The following SCN2A variants were observed in gnomAD, a reference collection of about 807,000 sequenced individuals.
The protein encoded by SCN2A is sodium voltage-gated channel alpha subunit 2, also known as sodium channel protein type 2 subunit alpha.
SCN2A carries 20 observed loss-of-function variants against 188.7 expected under a neutral mutation model. That is an observed-to-expected ratio of 0.11 (90% CI 0.07 to 0.15). The LOEUF (loss-of-function observed/expected upper bound fraction) is 0.15, where lower values mean the gene tolerates loss of function less well. SCN2A is among the 10% of genes least tolerant of loss of function. SCN2A has a pLI of 1.00. For missense variants in SCN2A, 1,278 were observed against 2,445.0 expected, an observed-to-expected ratio of 0.52 and a Z score of 10.07; for synonymous variants, 804 against 833.1, an observed-to-expected ratio of 0.97 and a Z score of 0.60.
chr2:165,360,222 G>A (rs534387804), intron 17 of SCN2A, among the ~76,000 whole-genome samples: 90 of 151,842 alleles, frequency 5.9e-4, no homozygotes, highest in Admixed American at 3.9e-4. Context: ...AAATTTAATA[G>A]GAAGTTATGT....
In SCN2A at chr2:165,313,698, T is replaced by C. The variant is rs1438036303; in HGVS notation, c.1113T>C (p.Ser371=). Residue 371 remains serine, a synonymous_variant, in exon 9 of 27, where the codon AGT becomes AGC. Transcript: ENST00000375437. The stretch of plus-strand genomic sequence containing the variant: ...GCTACACGAGCTTTGACACCTTTAG[T>C]TGGGCCTTTTTGTCCTTATTTCGTC... ...NYGYTSFDTF[S]WAFLSLFRLM... 1.2e-6 allele frequency: 2 copies of C among 1,613,744 alleles called. No homozygotes were observed. The highest frequency in any genetic ancestry group is 1.7e-5 in the Admixed American group (1 of 59,986).
intron 8 of SCN2A, 105 bp from the exon 9 acceptor site, chr2:165,313,515 T>C: frequency 7.1e-7 from 1 of 1,398,808 alleles, no homozygotes; most frequent in East Asian, 2.3e-5. Flanking sequence ...ATCGGCTTTT[T>C]TCTAGTGCCT....
At chr2:165,274,945 T>C (rs1170294787) in intron 1 of SCN2A, among the ~76,000 whole-genome samples, 2 of 152,192 alleles carry the variant, frequency 1.3e-5, no homozygotes, top group Admixed American at 6.5e-5. Context: ...TGATTGTTGC[T>C]TCTCCGGGTC....
chr2:165,359,842 G>C (rs1252037304), intron 17 of SCN2A, among the ~76,000 whole-genome samples: 1 of 151,854 alleles, frequency 6.6e-6, no homozygotes, highest in Admixed American at 6.6e-5. Context: ...TGAGCAGTAG[G>C]ACATCATGAC....
intron 13 of SCN2A, chr2:165,328,532 A>T: frequency 1.0e-6 from 1 of 984,702 alleles, no homozygotes; most frequent in Non-Finnish European, 1.2e-6. Context: ...GTAGAGAAGG[A>T]GACAGGGTAA....
intron 1 of SCN2A, among the ~76,000 whole-genome samples, chr2:165,289,189 GA>G (rs565003110): frequency 5.3e-5 from 8 of 151,768 alleles, no homozygotes; most frequent in African/African-American, 1.5e-4. Context: ...GATCTTTGTA[GA>G]AAAAAATTGT....
At chr2:165,353,536 G>A (rs899628217) in intron 16 of SCN2A, among the ~76,000 whole-genome samples, 1 of 152,130 alleles carries the variant, frequency 6.6e-6, no homozygotes, top group Non-Finnish European at 1.5e-5. Flanking sequence ...ATAAAGAAAA[G>A]AGATTTAATT....
Position 165,326,909 on chromosome 2 carries a change from A to C in SCN2A, c.2074A>C (p.Met692Leu). Residue 692 changes from methionine to leucine, a missense_variant, in exon 13 of 27, where the codon ATG (methionine) becomes CTG (leucine). By Grantham distance (15) the Met-to-Leu change is conservative. Transcript: ENST00000375437. Reference sequence around the variant, plus strand: ...ACGGTCCAGTTCTTATCATGTTTCCATGGATTTATTGGAAGATCCTACATC... The same window carrying C: ...ACGGTCCAGTTCTTATCATGTTTCCCTGGATTTATTGGAAGATCCTACATC... ...KRRSSSYHVSMDLLEDPTSRQ... is the reference protein window; with the variant it reads ...KRRSSSYHVSLDLLEDPTSRQ... 1.9e-6 allele frequency: 3 copies of C among 1,614,028 alleles called. No individual in the cohort carries two copies. The highest frequency in any genetic ancestry group is 2.5e-6 in the Non-Finnish European group (3 of 1,179,918).
chr2:165,341,470 G>A (rs1280221568), intron 14 of SCN2A, among the ~76,000 whole-genome samples: 2 of 152,230 alleles, frequency 1.3e-5, no homozygotes, highest in Non-Finnish European at 2.9e-5. Context: ...GTAGCCAGTA[G>A]TAGAAATGTT....
chr2:165,378,327 G>GTTT (rs397763725), intron 23 of SCN2A, among the ~76,000 whole-genome samples: 1 of 145,852 alleles, frequency 6.9e-6, no homozygotes, highest in African/African-American at 2.5e-5. Flanking sequence ...AATTCCTGAG[G>GTTT]TTTTTTTTTT....
At chr2:165,376,676 G>T (rs1701330308) in intron 22 of SCN2A, among the ~76,000 whole-genome samples, 1 of 151,722 alleles carries the variant, frequency 6.6e-6, no homozygotes, top group Admixed American at 6.6e-5. Context: ...AAGAAGTGCT[G>T]GCCCCAAGGG....
chr2:165,350,170 A>C (rs1354283873), intron 16 of SCN2A, among the ~76,000 whole-genome samples: 1 of 152,246 alleles, frequency 6.6e-6, no homozygotes, highest in East Asian at 1.9e-4. Context: ...TGATAGTTCT[A>C]GAAGCAGAGA....
rs144710175 is a variant in SCN2A at position 165,285,552 on chromosome 2, T to A, written c.-51-10221T>A. ...AGGAAAAGGAAACTTTCAGGACAATTTTGAATTCATTCAGTACTTTAAGAA... is the reference window on the plus strand; with the variant it reads ...AGGAAAAGGAAACTTTCAGGACAATATTGAATTCATTCAGTACTTTAAGAA... On this transcript the variant is annotated intron_variant, in intron 1 of 26. Transcript: ENST00000375437. 8.3e-5 allele frequency: 17 copies of A among 204,758 alleles called. No homozygotes were observed. The East Asian group carries it at 2.1e-3, about 25-fold the overall frequency. The allele number at this position is 204,758 out of a possible 1,614,324, so 12.7% of individuals were successfully genotyped here. A position where few individuals can be genotyped will look rare whatever the true frequency, so the allele number is the denominator to read the frequency against.
At chr2:165,302,086 T>C (rs1696844593) in intron 3 of SCN2A, among the ~76,000 whole-genome samples, 1 of 152,226 alleles carries the variant, frequency 6.6e-6, no homozygotes, top group African/African-American at 2.4e-5. Context: ...TGCTCCAACT[T>C]ACTGATTCAT....
At chr2:165,246,049 C>CA (rs201674466) in intron 1 of SCN2A, among the ~76,000 whole-genome samples, 36 of 149,580 alleles carry the variant, frequency 2.4e-4, no homozygotes, top group East Asian at 7.8e-4. Flanking sequence ...CAACTGTGTG[C>CA]AAAAAAAAAC....
At position 165,272,035 on chromosome 2, in the gene SCN2A, G is replaced by A. The variant is rs933885964; in HGVS notation, c.-51-23738G>A. ...GTTTACTATGAACATTCTTGCATAGGTCTTTTTGTGGGTGTATATTTTCAC... is the reference window on the plus strand; with the variant it reads ...GTTTACTATGAACATTCTTGCATAGATCTTTTTGTGGGTGTATATTTTCAC... On this transcript the variant is annotated intron_variant, in intron 1 of 26. Coordinates refer to ENST00000375437, the MANE Select transcript of SCN2A (RefSeq NM_001040142.2). 66 of 151,924 alleles carry A rather than the reference G, an allele frequency of 4.3e-4. 1 individual carries two copies. Among genetic ancestry groups the A allele is most frequent in the Non-Finnish European group, 2.9e-5 (2 of 67,952 alleles). The allele number at this position is 151,924 out of a possible 1,614,324, so 9.4% of individuals were successfully genotyped here.
Position 165,239,419 on chromosome 2 carries a change from A to G in SCN2A, c.-273A>G, listed in dbSNP as rs1040344892. 3 of 152,918 alleles carry G rather than the reference A, an allele frequency of 2.0e-5. No individual in the cohort carries two copies. The highest frequency in any genetic ancestry group is 7.2e-5 in the African/African-American group (3 of 41,452). 9.5% of individuals were successfully genotyped at this position (152,918 alleles called of 1,614,324 possible). ...AATTTAGCATGCTGTTTTCTAACAG[A>G]CATTGGGTACCATCGAATGACTGTC... On this transcript the variant is annotated 5_prime_UTR_variant, in exon 1 of 27. Coordinates refer to ENST00000375437, the MANE Select transcript of SCN2A (RefSeq NM_001040142.2).
intron 11 of SCN2A, among the ~76,000 whole-genome samples, chr2:165,318,014 A>T (rs2105265359): frequency 6.6e-6 from 1 of 152,226 alleles, no homozygotes; most frequent in East Asian, 1.9e-4. Flanking sequence ...CAAGCCCTGA[A>T]AGTAATACTG....
At chr2:165,282,486 TA>T (rs1382108417) in intron 1 of SCN2A, among the ~76,000 whole-genome samples, 1 of 152,130 alleles carries the variant, frequency 6.6e-6, no homozygotes, top group African/African-American at 2.4e-5. Context: ...AAATAGCAAA[TA>T]AAAGCCATCA....
Sources: allele counts gnomAD v4.1 joint callset (sites outside exome capture counted in the v4.1 genomes callset), GRCh38; gene constraint gnomAD v4.1.1; transcripts MANE v1.5; gene names NCBI Gene and HGNC (gene_info 2026-07-23, HGNC 2026-07-21).